The following ALDH1A2 variants were observed in gnomAD, a reference collection of about 807,000 sequenced individuals.
ALDH1A2 encodes the protein retinal dehydrogenase 2.
ALDH1A2 carries 27 observed loss-of-function variants against 60.3 expected under a neutral mutation model. That is an observed-to-expected ratio of 0.45 (90% CI 0.33 to 0.62). ALDH1A2 has a LOEUF of 0.62. ALDH1A2 is among the 20% of genes least tolerant of loss of function. The pLI is 0.02. For missense variants in ALDH1A2, 581 were observed against 643.8 expected (o/e 0.90, Z 1.06); for synonymous variants, 289 against 232.4 (o/e 1.24, Z -2.21).
intron 1 of ALDH1A2, among the ~76,000 whole-genome samples, chr15:58,043,293 T>C (rs113635634): frequency 1.0e-3 from 157 of 152,138 alleles, no homozygotes; most frequent in African/African-American, 3.6e-3. Flanking sequence ...AGAAAGCTAC[T>C]ATCAATCTAA....
At position 58,065,096 on chromosome 15, in the gene ALDH1A2, G is replaced by C. The variant is rs544328081; in HGVS notation, c.117+438C>G. The C allele has an allele frequency of 2.1e-3, 591 of 278,652 alleles. 8 individuals are homozygous for C. The highest frequency in any genetic ancestry group is 0.012 in the Admixed American group (246 of 19,804). 17.3% of individuals were successfully genotyped at this position (278,652 alleles called of 1,614,324 possible). A position where few individuals can be genotyped will look rare whatever the true frequency, so the allele number is the denominator to read the frequency against. On this transcript the variant is annotated intron_variant, in intron 1 of 12. Transcript: ENST00000249750. ...GCACCCTCCGGGCTGTGGAGGACCT[G>C]ATTGGGACCAACAGCCGAGGGGCCC...
chr15:57,980,014 C>T (rs879673847), intron 7 of ALDH1A2: 22 of 330,560 alleles, frequency 6.7e-5, no homozygotes, highest in Non-Finnish European at 1.4e-4. Flanking sequence ...GTTATTTGTA[C>T]CCATCTGGAG....
Position 58,055,902 on chromosome 15 carries a change from G to T in ALDH1A2, c.117+9632C>A, listed in dbSNP as rs189603436. 2.9e-3 allele frequency among the ~76,000 whole-genome samples: 433 copies of T among 151,708 alleles called. 3 individuals are homozygous for T. Among genetic ancestry groups the T allele is most frequent in the Non-Finnish European group, 3.3e-3 (225 of 67,804 alleles). Reference sequence around the variant, plus strand: ...TAATGTAGAGTTATTCAAAAAAAAGGTCTTTTAGAAATTCTTTTTAAATTA... The same window carrying T: ...TAATGTAGAGTTATTCAAAAAAAAGTTCTTTTAGAAATTCTTTTTAAATTA... On this transcript the variant is annotated intron_variant, in intron 1 of 12. Coordinates refer to ENST00000249750, the MANE Select transcript of ALDH1A2 (RefSeq NM_003888.4).
At chr15:58,013,748 T>C in intron 3 of ALDH1A2, 110 bp downstream of exon 3, 2 of 1,418,730 alleles carry the variant, frequency 1.4e-6, no homozygotes, top group East Asian at 5.2e-5. Flanking sequence ...CTAGACTCCG[T>C]CTCAAAAAAT....
Position 58,065,603 on chromosome 15 carries a change from G to C in ALDH1A2, c.48C>G (p.Pro16=). ...IEMPGEVKAD[P]AALMASLHLL... is the part of the protein sequence containing the mutation. ...GGTGCAGCGACGCCATGAGGGCGGC[G>C]GGGTCGGCCTTCACCTCGCCGGGCA... The change falls in exon 1 of 13, where the codon CCC becomes CCG. Residue 16 remains proline (P), a synonymous_variant. Transcript: ENST00000249750. The C allele has an allele frequency of 2.5e-6, 4 of 1,611,546 alleles. No homozygotes were observed. The highest frequency in any genetic ancestry group is 3.4e-6 in the Non-Finnish European group (4 of 1,178,666).
intron 5 of ALDH1A2, 137 bp downstream of exon 5, chr15:57,994,941 G>C (rs1475242479): frequency 4.8e-6 from 4 of 836,640 alleles, no homozygotes; most frequent in Non-Finnish European, 6.2e-6. Flanking sequence ...GGCTGTTAAA[G>C]ATATGTCAAC....
intron 1 of ALDH1A2, among the ~76,000 whole-genome samples, chr15:58,035,027 G>A (rs1183687915): frequency 6.6e-6 from 1 of 151,684 alleles, no homozygotes; most frequent in Non-Finnish European, 1.5e-5. Flanking sequence ...TTCTGGAAGA[G>A]ACTGTAGATA....
At chr15:58,005,042 C>T (rs534590997) in intron 4 of ALDH1A2, among the ~76,000 whole-genome samples, 1 of 151,884 alleles carries the variant, frequency 6.6e-6, no homozygotes, top group Non-Finnish European at 1.5e-5. Flanking sequence ...TCACTATTGC[C>T]TACAGAATAA....
chr15:58,020,196 T>C (rs543138853), intron 1 of ALDH1A2, among the ~76,000 whole-genome samples: 91 of 152,338 alleles, frequency 6.0e-4, no homozygotes, highest in African/African-American at 2.0e-3. Flanking sequence ...CCACGGTGTA[T>C]ATGTACCACA....
chr15:57,974,020 T>C (rs1894156443), intron 7 of ALDH1A2, among the ~76,000 whole-genome samples: 1 of 152,250 alleles, frequency 6.6e-6, no homozygotes, highest in African/African-American at 2.4e-5. Flanking sequence ...GCATAGGTAG[T>C]TGTTAATGTT....
intron 4 of ALDH1A2, 100 bp from the exon 5 acceptor site, chr15:57,995,239 AACAGAAATAAACTTG>A: frequency 1.2e-6 from 1 of 825,052 alleles, no homozygotes; most frequent in South Asian, 1.5e-5. Context: ...AAAAAAAACA[AACAGAAATAAACTTG>A]AAAAAACATC....
chr15:58,063,255 C>T (rs1222833123), intron 1 of ALDH1A2, among the ~76,000 whole-genome samples: 2 of 152,162 alleles, frequency 1.3e-5, no homozygotes, highest in African/African-American at 4.8e-5. Context: ...TATTGTCTTA[C>T]AGTATCATTT....
At chr15:58,031,751 A>G (rs1896246634) in intron 1 of ALDH1A2, among the ~76,000 whole-genome samples, 1 of 152,230 alleles carries the variant, frequency 6.6e-6, no homozygotes, top group Admixed American at 6.5e-5. Context: ...GACACCTGAA[A>G]AAATGCTCAT....
chr15:58,028,667 G>A (rs1247182541), intron 1 of ALDH1A2, among the ~76,000 whole-genome samples: 3 of 152,112 alleles, frequency 2.0e-5, no homozygotes, highest in Non-Finnish European at 4.4e-5. Flanking sequence ...CTCAACTGCA[G>A]AGACACACAC....
chr15:58,059,327 A>C (rs567228970), intron 1 of ALDH1A2, among the ~76,000 whole-genome samples: 1 of 152,306 alleles, frequency 6.6e-6, no homozygotes, highest in African/African-American at 2.4e-5. Context: ...AAATTAAAGA[A>C]ATGCTAGGAG....
chr15:58,013,069 G>A (rs1238753696), intron 3 of ALDH1A2, among the ~76,000 whole-genome samples: 1 of 152,156 alleles, frequency 6.6e-6, no homozygotes, highest in Non-Finnish European at 1.5e-5. Context: ...GTTATGTGAG[G>A]AAAATCATTG....
intron 9 of ALDH1A2, among the ~76,000 whole-genome samples, chr15:57,963,512 T>C (rs560120566): frequency 6.6e-6 from 1 of 152,030 alleles, no homozygotes; most frequent in East Asian, 1.9e-4. Context: ...GCTAATTTTT[T>C]TTTTGTATTT....
At chr15:57,977,977 C>T (rs1224418131) in intron 7 of ALDH1A2, among the ~76,000 whole-genome samples, 1 of 152,130 alleles carries the variant, frequency 6.6e-6, no homozygotes, top group Non-Finnish European at 1.5e-5. Flanking sequence ...TGGGAGTTCA[C>T]TCATGACTTG....
intron 2 of ALDH1A2, 24 bp from the exon 3 acceptor site, chr15:58,014,022 C>T (rs34036537): frequency 1.9e-6 from 3 of 1,614,066 alleles, no homozygotes; most frequent in South Asian, 1.1e-5. Context: ...AGAGGCACAA[C>T]TGAAGAAAAA....
Sources: gnomAD v4.1 joint callset for allele counts (sites outside exome capture counted in the v4.1 genomes callset) on GRCh38, gnomAD v4.1.1 for gene constraint, MANE v1.5 for transcripts, NCBI Gene and HGNC (gene_info 2026-07-23, HGNC 2026-07-21) for gene names.